CAMTA1: variants seen among roughly 807,000 people sequenced by gnomAD.
The protein encoded by CAMTA1 is calmodulin-binding transcription activator 1.
CAMTA1 carries 27 observed loss-of-function variants against 170.9 expected under a neutral mutation model. That is an observed-to-expected ratio of 0.16 (90% CI 0.12 to 0.22). The LOEUF (loss-of-function observed/expected upper bound fraction) is 0.22, where lower values mean the gene tolerates loss of function less well. Among genes scored for constraint, CAMTA1 ranks in the 10% least tolerant of loss-of-function variants. The pLI is 1.00. For missense variants in CAMTA1, 1,619 were observed against 2,217.2 expected (o/e 0.73, Z 5.42); for synonymous variants, 833 against 891.5 (o/e 0.93, Z 1.17).
At chr1:7,437,184 G>A (rs188488028) in intron 5 of CAMTA1, among the ~76,000 whole-genome samples, 3 of 152,250 alleles carry the variant, frequency 2.0e-5, no homozygotes, top group Non-Finnish European at 4.4e-5. Flanking sequence ...GCAGGTCTCC[G>A]GTGTCCAACC....
intron 3 of CAMTA1, among the ~76,000 whole-genome samples, chr1:6,940,609 A>G (rs1351758944): frequency 6.6e-6 from 1 of 152,182 alleles, no homozygotes; most frequent in Non-Finnish European, 1.5e-5. Context: ...ACCTAGTGCC[A>G]GGCTAGGGTC....
chr1:7,560,624 C>T (rs1029849280), intron 6 of CAMTA1, among the ~76,000 whole-genome samples: 1 of 151,600 alleles, frequency 6.6e-6, no homozygotes, highest in Non-Finnish European at 1.5e-5. Flanking sequence ...CTGTACCACA[C>T]GGGCCAGGGG....
At chr1:7,247,485 T>C (rs1419897664) in intron 4 of CAMTA1, among the ~76,000 whole-genome samples, 1 of 152,198 alleles carries the variant, frequency 6.6e-6, no homozygotes, top group Non-Finnish European at 1.5e-5. Flanking sequence ...AGAGGCTAGA[T>C]TGGATCAACG....
intron 3 of CAMTA1, among the ~76,000 whole-genome samples, chr1:6,896,781 C>A (rs1368222774): frequency 5.3e-5 from 8 of 152,134 alleles, no homozygotes; most frequent in Non-Finnish European, 1.0e-4. Context: ...CCACTCCAAG[C>A]TGTTTGTTGA....
intron 3 of CAMTA1, among the ~76,000 whole-genome samples, chr1:6,865,723 G>T (rs1666365748): frequency 6.6e-6 from 1 of 152,210 alleles, no homozygotes; most frequent in African/African-American, 2.4e-5. Flanking sequence ...CAGCAACTCT[G>T]TGAGGTAGGG....
intron 3 of CAMTA1, among the ~76,000 whole-genome samples, chr1:6,941,676 C>T (rs551916553): frequency 6.6e-6 from 1 of 152,324 alleles, no homozygotes; most frequent in Non-Finnish European, 1.5e-5. Flanking sequence ...AGGAAGCTCT[C>T]GTCCTTCATG....
chr1:7,592,697 C>T lies in CAMTA1; in HGVS notation c.511-47703C>T, dbSNP rs974996748. On this transcript the variant is annotated intron_variant, in intron 6 of 22. Transcript: ENST00000303635. The surrounding 1 kb of genome is among the most constrained non-coding windows in gnomAD (Gnocchi z 4.6). Reference sequence around the variant, plus strand: ...GGTCAGGTCGGAAGCTTGTCTGTGCCCTGAACATAGGACACACAGTGTCCT... The same window carrying T: ...GGTCAGGTCGGAAGCTTGTCTGTGCTCTGAACATAGGACACACAGTGTCCT... Among the ~76,000 whole-genome samples the T allele has an allele frequency of 2.0e-5, 3 of 152,056 alleles. No homozygotes were observed. The highest frequency in any genetic ancestry group is 1.3e-4 in the Admixed American group (2 of 15,262).
intron 5 of CAMTA1, among the ~76,000 whole-genome samples, chr1:7,315,199 G>A (rs140232565): frequency 2.8e-4 from 42 of 152,306 alleles, no homozygotes; most frequent in Non-Finnish European, 4.4e-4. Context: ...ATCTACCCAC[G>A]CACCTTAGGA....
intron 11 of CAMTA1, among the ~76,000 whole-genome samples, chr1:7,688,912 CAG>C (rs2096281232): frequency 6.6e-6 from 1 of 152,120 alleles, no homozygotes; most frequent in African/African-American, 2.4e-5. Flanking sequence ...AGGGGAAAAA[CAG>C]TGAGAGGCAG....
intron 5 of CAMTA1, among the ~76,000 whole-genome samples, chr1:7,393,721 C>T (rs1021416682): frequency 4.6e-5 from 7 of 152,102 alleles, no homozygotes; most frequent in Admixed American, 1.3e-4. Context: ...ATTTAAAATC[C>T]TCTCTTTTAG....
At chr1:7,737,209 C>A (rs1252119369) in intron 14 of CAMTA1, 46 bp from the exon 15 acceptor site, 1 of 1,582,448 alleles carries the variant, frequency 6.3e-7, no homozygotes, top group African/African-American at 1.3e-5. Context: ...CAGGTCTGGT[C>A]TTGACCTCTG....
intron 4 of CAMTA1, among the ~76,000 whole-genome samples, chr1:7,232,340 C>T (rs886695908): frequency 2.6e-5 from 4 of 152,184 alleles, no homozygotes; most frequent in African/African-American, 7.2e-5. Context: ...CCCGGAGGCA[C>T]CGACATCTGC....
chr1:7,365,974 T>C (rs845266), intron 5 of CAMTA1, among the ~76,000 whole-genome samples: 97,078 of 152,136 alleles, frequency 0.64, 32,534 homozygotes, highest in Middle Eastern at 0.76. Flanking sequence ...TATGGCCCTC[T>C]GGGCTCACTT....
chr1:7,116,716 C>T (rs375064572), intron 4 of CAMTA1, among the ~76,000 whole-genome samples: 6 of 150,474 alleles, frequency 4.0e-5, no homozygotes, highest in East Asian at 3.9e-4. Context: ...GGCACGATCT[C>T]GGCTCACTGC....
chr1:7,449,042 C>T (rs955569317), intron 5 of CAMTA1, among the ~76,000 whole-genome samples: 78 of 152,300 alleles, frequency 5.1e-4, no homozygotes, highest in Non-Finnish European at 1.2e-4. Flanking sequence ...GTCTGTGGGG[C>T]GCCATGGGCT....
chr1:7,452,763 C>T (rs182851999), intron 5 of CAMTA1, among the ~76,000 whole-genome samples: 84 of 152,324 alleles, frequency 5.5e-4, no homozygotes, highest in Non-Finnish European at 9.0e-4. Context: ...CTTACCTCTT[C>T]CTCTGCCGAT....
intron 7 of CAMTA1, among the ~76,000 whole-genome samples, chr1:7,646,714 A>G (rs557485199): frequency 1.3e-3 from 171 of 133,418 alleles, no homozygotes; most frequent in Non-Finnish European, 5.0e-4. Flanking sequence ...TGAGTTGGGT[A>G]GAGGCCATGG....
intron 4 of CAMTA1, among the ~76,000 whole-genome samples, chr1:7,218,852 G>A (rs1239506881): frequency 6.6e-6 from 1 of 152,096 alleles, no homozygotes; most frequent in Admixed American, 6.5e-5. Flanking sequence ...CGTGTGAAAG[G>A]TGTGTGGGAT....
At chr1:7,584,271 G>T (rs1412882468) in intron 6 of CAMTA1, among the ~76,000 whole-genome samples, 2 of 151,956 alleles carry the variant, frequency 1.3e-5, no homozygotes, top group African/African-American at 4.8e-5. Context: ...AGGAGAAGTG[G>T]GGATTTATCA....
Sources: allele counts gnomAD v4.1 joint callset (sites outside exome capture counted in the v4.1 genomes callset), GRCh38; gene constraint gnomAD v4.1.1; non-coding constraint Gnocchi (gnomAD v3.1); transcripts MANE v1.5; gene names NCBI Gene and HGNC (gene_info 2026-07-23, HGNC 2026-07-21).